SPATA6L: variants seen among roughly 807,000 people sequenced by gnomAD.
SPATA6L encodes the protein spermatogenesis associated 6 like.
In SPATA6L, 68 loss-of-function variants were observed where a neutral mutation model predicts 49.2. That is an observed-to-expected ratio of 1.38 (90% CI 1.14 to 1.69). The LOEUF is 1.69. SPATA6L is among the 40% of genes most tolerant of loss of function. The pLI, the probability that SPATA6L is intolerant of heterozygous loss-of-function variation, is 0.00. For missense variants in SPATA6L, 668 were observed against 464.3 expected (o/e 1.44, Z -4.03); for synonymous variants, 198 against 165.7 (o/e 1.19, Z -1.50).
At chr9:4,620,580 A>G (rs561027063) in intron 7 of SPATA6L, among the ~76,000 whole-genome samples, 10 of 152,358 alleles carry the variant, frequency 6.6e-5, no homozygotes, top group African/African-American at 2.4e-4. Context: ...GAATGAGCTG[A>G]CAGGTGACCT....
chr9:4,662,793 T>A lies in SPATA6L; in HGVS notation c.40-757A>T. The A allele has an allele frequency of 6.2e-7, 1 of 1,605,116 alleles. No individual in the cohort carries two copies. The highest frequency in any genetic ancestry group is 1.7e-5 in the Admixed American group (1 of 60,002). On this transcript the variant is annotated intron_variant, in intron 1 of 11. Coordinates refer to ENST00000682582, the MANE Select transcript of SPATA6L (RefSeq NM_001353486.2). This position sits in a 1 kb window ranked among gnomAD's most constrained non-coding sequence, Gnocchi z 4.9. ...ACCCCTTATGAAGCTGCTGGAGATC[T>A]CGGGACACGGCATCCCCTGGCTGCT...
At chr9:4,644,681 TCTCTCACACACA>T (rs1203299282) in intron 3 of SPATA6L, among the ~76,000 whole-genome samples, 10 of 132,250 alleles carry the variant, frequency 7.6e-5, no homozygotes, top group East Asian at 4.6e-4. Context: ...TCTCTCTCTC[TCTCTCACACACA>T]CACACACACA....
At chr9:4,624,813 A>T (rs1830043059) in intron 6 of SPATA6L, among the ~76,000 whole-genome samples, 1 of 152,174 alleles carries the variant, frequency 6.6e-6, no homozygotes, top group Admixed American at 6.5e-5. Context: ...ACAAAATCTA[A>T]GATGACTTTA....
In SPATA6L at chr9:4,599,366, A is replaced by G. The variant is rs1356683071; in HGVS notation, c.*1445T>C. ...TTTGTTTTGTTGTTTTTGTTTTTGG[A>G]GTTCCTTTTCTGTTTTAATTTTTAA... is the stretch of plus-strand genomic sequence containing the variant. On this transcript the variant is annotated 3_prime_UTR_variant, in exon 12 of 12. Coordinates refer to ENST00000682582, the MANE Select transcript of SPATA6L (RefSeq NM_001353486.2). Among the ~76,000 whole-genome samples the G allele has an allele frequency of 6.6e-6, 1 of 152,116 alleles. No individual in the cohort carries two copies. The highest frequency in any genetic ancestry group is 1.5e-5 in the Non-Finnish European group (1 of 68,016).
chr9:4,648,692 C>A (rs1475568571), intron 3 of SPATA6L, among the ~76,000 whole-genome samples: 2 of 60,906 alleles, frequency 3.3e-5, no homozygotes, highest in South Asian at 4.8e-4. Flanking sequence ...AGAGCGAGAC[C>A]CCGTCTCGAA....
chr9:4,594,899 G>C (rs963428013), downstream of SPATA6L, among the ~76,000 whole-genome samples: 2 of 152,144 alleles, frequency 1.3e-5, no homozygotes, highest in East Asian at 1.9e-4. Context: ...CAAAATCCCA[G>C]ACAAGGCCTC....
intron 5 of SPATA6L, 58 bp downstream of exon 5, chr9:4,629,033 T>G: frequency 7.6e-7 from 1 of 1,315,040 alleles, no homozygotes; most frequent in Non-Finnish European, 1.1e-6. Context: ...CAAAAATTCT[T>G]TAAATTTGAA....
Position 4,662,354 on chromosome 9 carries a change from G to A in SPATA6L, c.40-318C>T. On this transcript the variant is annotated intron_variant, in intron 1 of 11. Transcript: ENST00000682582. This position sits in a 1 kb window ranked among gnomAD's most constrained non-coding sequence, Gnocchi z 4.9. ...CCTCTGTTTGGTCCGGCCAGGTCCC[G>A]GGATCCGGGCCGCCAGCTGCGATGC... 6.7e-7 allele frequency: 1 copy of A among 1,484,932 alleles called. No individual in the cohort carries two copies. The highest frequency in any genetic ancestry group is 8.9e-7 in the Non-Finnish European group (1 of 1,125,094). The allele number at this position is 1,484,932 out of a possible 1,614,324, so 92.0% of individuals were successfully genotyped here.
At chr9:4,624,433 GC>G (rs1829962323) in intron 6 of SPATA6L, among the ~76,000 whole-genome samples, 2 of 152,094 alleles carry the variant, frequency 1.3e-5, no homozygotes, top group Non-Finnish European at 2.9e-5. Context: ...TTTTATAGTA[GC>G]AAAAAAATTG....
At chr9:4,632,031 C>T (rs1194322431) in intron 4 of SPATA6L, among the ~76,000 whole-genome samples, 1 of 142,040 alleles carries the variant, frequency 7.0e-6, no homozygotes, top group African/African-American at 2.7e-5. Flanking sequence ...TGAACATCAG[C>T]TACTTTTTTT....
At chr9:4,608,855 G>C (rs1406931146) in intron 9 of SPATA6L, among the ~76,000 whole-genome samples, 1 of 152,022 alleles carries the variant, frequency 6.6e-6, no homozygotes, top group Non-Finnish European at 1.5e-5. Context: ...ATGAATCCAG[G>C]ATCTGGTTTT....
downstream of SPATA6L, among the ~76,000 whole-genome samples, chr9:4,597,319 T>TACACAC (rs57570250): frequency 1.0e-3 from 147 of 144,002 alleles, no homozygotes; most frequent in East Asian, 3.0e-3. Context: ...GAAAACAAAA[T>TACACAC]ACACACACAC....
intron 11 of SPATA6L, among the ~76,000 whole-genome samples, chr9:4,602,055 A>C (rs1399819535): frequency 2.0e-5 from 3 of 152,168 alleles, no homozygotes; most frequent in African/African-American, 7.2e-5. Context: ...GGAGACTTCC[A>C]GAGAAGGTAT....
At chr9:4,615,757 A>G (rs1827835723) in intron 9 of SPATA6L, among the ~76,000 whole-genome samples, 1 of 152,102 alleles carries the variant, frequency 6.6e-6, no homozygotes, top group Non-Finnish European at 1.5e-5. Flanking sequence ...ACATGTCATG[A>G]TGGTGTCCAT....
intron 11 of SPATA6L, among the ~76,000 whole-genome samples, chr9:4,602,232 C>T (rs888762915): frequency 2.4e-4 from 36 of 152,022 alleles, no homozygotes; most frequent in Admixed American, 4.6e-4. Flanking sequence ...TTGATATTAC[C>T]CATGTTGAAA....
chr9:4,662,431 G>A lies in SPATA6L; in HGVS notation c.40-395C>T, dbSNP rs1278859600. 5.3e-6 allele frequency: 8 copies of A among 1,521,334 alleles called. No individual in the cohort carries two copies. In the African/African-American group the frequency reaches 5.5e-5, roughly 11 times the overall value. The allele number at this position is 1,521,334 out of a possible 1,614,324, so 94.2% of individuals were successfully genotyped here. On this transcript the variant is annotated intron_variant, in intron 1 of 11. Coordinates refer to ENST00000682582, the MANE Select transcript of SPATA6L (RefSeq NM_001353486.2). This position sits in a 1 kb window ranked among gnomAD's most constrained non-coding sequence, Gnocchi z 4.9. ...CGGCCGCTGGGCGTCTCCGCTTCGA[G>A]CAGCAGCAGCAGCCCCGGCAGCCCA... is the stretch of plus-strand genomic sequence containing the variant.
intron 3 of SPATA6L, among the ~76,000 whole-genome samples, chr9:4,640,229 CCT>C (rs1379126012): frequency 3.9e-5 from 6 of 152,174 alleles, no homozygotes; most frequent in Admixed American, 1.3e-4. Flanking sequence ...ACGCTGCCCC[CCT>C]GTGTCCATTC....
intron 3 of SPATA6L, among the ~76,000 whole-genome samples, chr9:4,653,152 A>G (rs1299182026): frequency 1.3e-5 from 2 of 152,254 alleles, no homozygotes; most frequent in Non-Finnish European, 2.9e-5. Flanking sequence ...GTGTTGGCAT[A>G]ACAATAGACA....
Position 4,635,394 on chromosome 9 carries a change from C to A in SPATA6L, c.232G>T (p.Asp78Tyr). 1.3e-6 allele frequency: 2 copies of A among 1,577,220 alleles called. No homozygotes were observed. Among genetic ancestry groups the A allele is most frequent in the Admixed American group, 4.1e-5 (2 of 49,284 alleles). ...GAVVDLLEMWDELAYYEENTR... is the reference protein window; with the variant it reads ...GAVVDLLEMWYELAYYEENTR... ...TTTTCTTCGTAGTAGGCCAACTCATCCCACACTAGAAAGAAAATAGAAAAA... is the reference window on the plus strand; with the variant it reads ...TTTTCTTCGTAGTAGGCCAACTCATACCACACTAGAAAGAAAATAGAAAAA... Residue 78 changes from aspartate (D) to tyrosine (Y), a missense_variant, in exon 4 of 12, where the codon GAT becomes TAT. Coordinates refer to ENST00000682582, the MANE Select transcript of SPATA6L (RefSeq NM_001353486.2).
Sources: gnomAD v4.1 joint callset for allele counts (sites outside exome capture counted in the v4.1 genomes callset) on GRCh38, gnomAD v4.1.1 for gene constraint, Gnocchi (gnomAD v3.1) non-coding constraint, MANE v1.5 for transcripts, NCBI Gene and HGNC (gene_info 2026-07-23, HGNC 2026-07-21) for gene names.